DIP2B: variants seen among roughly 807,000 people sequenced by gnomAD.
DIP2B encodes disco-interacting protein 2 homolog B.
Under a neutral mutation model 198.0 loss-of-function variants are expected in DIP2B, and 76 were observed. The observed-to-expected ratio is 0.38, with a 90% CI of 0.32 to 0.46. The LOEUF (loss-of-function observed/expected upper bound fraction) is 0.46. Ranked by LOEUF, DIP2B falls within the 20% of genes least tolerant of loss-of-function variation. The pLI is 0.99. For missense variants in DIP2B, 1,559 were observed against 1,978.4 expected (o/e 0.79, Z 4.02); for synonymous variants, 701 against 739.1 (o/e 0.95, Z 0.84).
At chr12:50,537,657 A>T (rs974507932) in intron 1 of DIP2B, among the ~76,000 whole-genome samples, 1 of 152,158 alleles carries the variant, frequency 6.6e-6, no homozygotes, top group African/African-American at 2.4e-5. Flanking sequence ...CATGTGATTC[A>T]TCAGGTGAAT....
chr12:50,667,080 G>A (rs1938768099), intron 4 of DIP2B, among the ~76,000 whole-genome samples: 1 of 152,122 alleles, frequency 6.6e-6, no homozygotes, highest in African/African-American at 2.4e-5. Flanking sequence ...TGTTGCCCAG[G>A]CTGGTCTCAA....
chr12:50,518,299 G>A (rs1286327311), intron 1 of DIP2B, among the ~76,000 whole-genome samples: 2 of 149,720 alleles, frequency 1.3e-5, no homozygotes, highest in Non-Finnish European at 3.0e-5. Flanking sequence ...ACCTCAGCTC[G>A]CTGCAAGCTC....
intron 1 of DIP2B, among the ~76,000 whole-genome samples, chr12:50,615,597 A>G (rs1057276126): frequency 1.1e-4 from 16 of 152,116 alleles, no homozygotes; most frequent in African/African-American, 3.9e-4. Flanking sequence ...AATTTTCTAG[A>G]TAATCCTTTT....
chr12:50,653,617 C>T (rs1938502140), intron 3 of DIP2B, among the ~76,000 whole-genome samples: 1 of 152,008 alleles, frequency 6.6e-6, no homozygotes, highest in Non-Finnish European at 1.5e-5. Context: ...GCTGAGATTA[C>T]AGGCATGAGC....
intron 11 of DIP2B, among the ~76,000 whole-genome samples, chr12:50,686,284 T>C (rs1939129127): frequency 6.6e-6 from 1 of 152,164 alleles, no homozygotes; most frequent in Non-Finnish European, 1.5e-5. Context: ...AAATGCTACA[T>C]GTAGAGACAG....
rs758937612 is a variant in DIP2B at position 50,735,052 on chromosome 12, G to A, written c.4044-21G>A. ...TCTCCTCTTAAAAGCCCTATATATA[G>A]TAAATACCGTTCTTCTGCAGGGTTC... On this transcript the variant is annotated intron_variant, in intron 33 of 37. Coordinates refer to ENST00000301180, the MANE Select transcript of DIP2B (RefSeq NM_173602.3). 1.4e-5 allele frequency: 23 copies of A among 1,614,080 alleles called. No individual in the cohort carries two copies. In the South Asian group the frequency reaches 2.4e-4, roughly 17 times the overall value.
intron 1 of DIP2B, among the ~76,000 whole-genome samples, chr12:50,609,834 C>T (rs767462784): frequency 3.9e-5 from 6 of 152,210 alleles, no homozygotes; most frequent in South Asian, 4.1e-4. Context: ...TTTTCTTTTA[C>T]GCTTGGCTTT....
intron 23 of DIP2B, among the ~76,000 whole-genome samples, chr12:50,716,957 G>GTTTTTTTTTT (rs1592140618): frequency 1.3e-4 from 1 of 7,794 alleles, no homozygotes; most frequent in African/African-American, 2.2e-4. Context: ...ACGAATTGTT[G>GTTTTTTTTTT]CTTTTTTTTT....
rs750823973 is a variant in DIP2B, at chr12:50,538,425, A to G, written c.100+33185A>G. On this transcript the variant is annotated intron_variant, in intron 1 of 37. Transcript: ENST00000301180. Reference sequence around the variant, plus strand: ...ATGAATTTGGAGTGGACACAGAAGTATGAAATGGAAAATAGCCCCACCCCA... The same window carrying G: ...ATGAATTTGGAGTGGACACAGAAGTGTGAAATGGAAAATAGCCCCACCCCA... Among the ~76,000 whole-genome samples the G allele has an allele frequency of 3.7e-4, 57 of 152,180 alleles. 1 individual carries two copies. Among genetic ancestry groups the G allele is most frequent in the Non-Finnish European group, 7.1e-4 (48 of 68,040 alleles).
chr12:50,521,094 GTTTTTTTTTTTTTT>G (rs386376482), intron 1 of DIP2B, among the ~76,000 whole-genome samples: 3 of 94,332 alleles, frequency 3.2e-5, no homozygotes, highest in Admixed American at 1.4e-4. Context: ...TTCAGCAACA[GTTTTTTTTTTTTTT>G]TTTTTTTTTT....
intron 1 of DIP2B, among the ~76,000 whole-genome samples, chr12:50,518,223 CTTTTTTT>C (rs11303099): frequency 7.5e-6 from 1 of 132,552 alleles, no homozygotes; most frequent in African/African-American, 2.7e-5. Context: ...TCTTGGGCAA[CTTTTTTT>C]TTTTTTTTTT....
At chr12:50,542,914 C>A (rs1241508854) in intron 1 of DIP2B, among the ~76,000 whole-genome samples, 1 of 152,176 alleles carries the variant, frequency 6.6e-6, no homozygotes, top group Non-Finnish European at 1.5e-5. Context: ...GTTGCCCAGG[C>A]TGGAGTGCAG....
chr12:50,732,398 C>G lies in DIP2B; in HGVS notation c.3843C>G (p.Thr1281=). The stretch of plus-strand genomic sequence containing the variant: ...GGATCAACCTCTCCTGCGTCCGGAC[C>G]TGTGTGGTGGTGGCGGAGGAGAGGC... ...TRGINLSCVR[T]CVVVAEERPR... The change falls in exon 32 of 38, where the codon ACC becomes ACG. Residue 1281 remains threonine (T), a synonymous_variant. Transcript: ENST00000301180. 3 of 1,614,184 alleles carry G rather than the reference C, an allele frequency of 1.9e-6. No individual in the cohort carries two copies. The highest frequency in any genetic ancestry group is 2.5e-6 in the Non-Finnish European group (3 of 1,180,024).
In DIP2B at chr12:50,715,724, A is replaced by G. The variant is rs1289382771; in HGVS notation, c.2851+1128A>G. On this transcript the variant is annotated intron_variant, in intron 23 of 37. Transcript: ENST00000301180. ...AAGAAAGGATACTCTTCCCTTTAAC[A>G]TATTTTCTAGAAATTGCACATATTA... 3.9e-5 allele frequency among the ~76,000 whole-genome samples: 6 copies of G among 152,232 alleles called. No homozygotes were observed. In the South Asian group the frequency reaches 1.0e-3, roughly 26 times the overall value.
chr12:50,524,756 TA>T (rs1037955986), intron 1 of DIP2B, among the ~76,000 whole-genome samples: 20 of 152,322 alleles, frequency 1.3e-4, no homozygotes, highest in African/African-American at 4.8e-4. Flanking sequence ...AATTTATTGT[TA>T]TTTTTTTTGA....
chr12:50,563,764 G>C (rs1300426994), intron 1 of DIP2B, among the ~76,000 whole-genome samples: 2 of 151,002 alleles, frequency 1.3e-5, no homozygotes, highest in East Asian at 1.9e-4. Flanking sequence ...CCAAAGTGTT[G>C]GGTTTACAGG....
In DIP2B at chr12:50,698,451, G is replaced by A. The variant is rs1202091834; in HGVS notation, c.2172G>A (p.Gly724=). The A allele has an allele frequency of 6.2e-7, 1 of 1,613,404 alleles. No homozygotes were observed. Among genetic ancestry groups the A allele is most frequent in the Admixed American group, 1.7e-5 (1 of 59,968 alleles). The part of the protein sequence containing the change: ...KNSALTVQDV[G]HVMPGGMMCI... ...CAGCACTGACGGTCCAGGATGTAGG[G>A]CATGTAATGCCTGGTGGTGAGTCGC... The change falls in exon 18 of 38, where the codon GGG becomes GGA. Residue 724 remains glycine, a synonymous_variant. Transcript: ENST00000301180.
intron 1 of DIP2B, among the ~76,000 whole-genome samples, chr12:50,591,606 C>CT (rs1461399135): frequency 6.6e-6 from 1 of 151,044 alleles, no homozygotes; most frequent in Non-Finnish European, 1.5e-5. Flanking sequence ...GCTAATTTTT[C>CT]TTTTTCTTTC....
chr12:50,583,725 G>A (rs1486769585), intron 1 of DIP2B, among the ~76,000 whole-genome samples: 1 of 152,136 alleles, frequency 6.6e-6, no homozygotes, highest in African/African-American at 2.4e-5. Context: ...AAATAAAAGA[G>A]CATCTGTGCA....
Sources: allele counts gnomAD v4.1 joint callset (sites outside exome capture counted in the v4.1 genomes callset), GRCh38; gene constraint gnomAD v4.1.1; transcripts MANE v1.5; gene names NCBI Gene and HGNC (gene_info 2026-07-23, HGNC 2026-07-21).